Variants in SEPTIN9 observed in about 807,000 individuals in gnomAD.
SEPTIN9 encodes septin-9.
SEPTIN9 carries 13 observed loss-of-function variants against 56.6 expected under a neutral mutation model. That is an observed-to-expected ratio of 0.23 (90% CI 0.15 to 0.37). SEPTIN9 has a LOEUF of 0.37. Among genes scored for constraint, SEPTIN9 ranks in the 10% least tolerant of loss-of-function variants. The pLI, the probability that SEPTIN9 is intolerant of heterozygous loss-of-function variation, is 1.00. For synonymous variants in SEPTIN9, 332 were observed against 334.1 expected (o/e 0.99, Z 0.07); for missense variants, 650 against 823.1 (o/e 0.79, Z 2.57).
intron 2 of SEPTIN9, among the ~76,000 whole-genome samples, chr17:77,379,196 ACC>A (rs1211878856): frequency 6.6e-6 from 1 of 151,806 alleles, no homozygotes; most frequent in African/African-American, 2.4e-5. Flanking sequence ...CAGCCCGTGG[ACC>A]CATCCACTGA....
At chr17:77,423,435 AC>A (rs1161992966) in intron 3 of SEPTIN9, among the ~76,000 whole-genome samples, 1 of 151,980 alleles carries the variant, frequency 6.6e-6, no homozygotes, top group Non-Finnish European at 1.5e-5. Context: ...GGCATCTCTC[AC>A]CCCCACCCAG....
intron 8 of SEPTIN9, 64 bp downstream of exon 8, chr17:77,490,923 A>G: frequency 3.2e-6 from 4 of 1,266,540 alleles, no homozygotes; most frequent in African/African-American, 1.5e-5. Context: ...CAGGCCTGGC[A>G]GGGGCCACCC....
At chr17:77,283,232 G>A (rs2031120774) in intron 1 of SEPTIN9, among the ~76,000 whole-genome samples, 1 of 150,754 alleles carries the variant, frequency 6.6e-6, no homozygotes, top group African/African-American at 2.4e-5. Flanking sequence ...TGTGGAGTGA[G>A]CAGGAACCAA....
chr17:77,292,989 C>CATGCATTT (rs1423112212), intron 1 of SEPTIN9, among the ~76,000 whole-genome samples: 131 of 116,392 alleles, frequency 1.1e-3, no homozygotes, highest in African/African-American at 3.3e-3. Flanking sequence ...ACCGCTTGAG[C>CATGCATTT]ATTTATTTAT....
intron 4 of SEPTIN9, 162 bp downstream of exon 4, chr17:77,482,497 G>A (rs923104918): frequency 2.3e-5 from 18 of 775,900 alleles, no homozygotes; most frequent in East Asian, 8.0e-5. Context: ...GCATGCATGC[G>A]CCTGGGAGGA....
chr17:77,390,697 C>T lies in SEPTIN9; in HGVS notation c.77-11362C>T, dbSNP rs190508608. Among the ~76,000 whole-genome samples the T allele has an allele frequency of 9.2e-3, 1,407 of 152,140 alleles. 15 individuals are homozygous for T. The highest frequency in any genetic ancestry group is 0.031 in the African/African-American group (1,287 of 41,514). On this transcript the variant is annotated intron_variant, in intron 2 of 11. Transcript: ENST00000427177. ...CGATCTCCTGACCTCGTGATCTGCC[C>T]GCCTCTGCCTCCCAAAGTGCTGGGA...
At chr17:77,382,470 C>T (rs1030428256) in intron 2 of SEPTIN9, among the ~76,000 whole-genome samples, 1 of 152,200 alleles carries the variant, frequency 6.6e-6, no homozygotes, top group African/African-American at 2.4e-5. Context: ...GACAGGCTCC[C>T]GCAGCCAAGC....
chr17:77,357,068 A>G (rs2143832846), intron 2 of SEPTIN9, among the ~76,000 whole-genome samples: 1 of 152,090 alleles, frequency 6.6e-6, no homozygotes, highest in East Asian at 1.9e-4. Flanking sequence ...ACAGGCAGAC[A>G]AGGTGTCGGA....
intron 2 of SEPTIN9, among the ~76,000 whole-genome samples, chr17:77,360,078 A>G (rs1374085892): frequency 2.7e-5 from 4 of 147,510 alleles, no homozygotes; most frequent in African/African-American, 1.0e-4. Context: ...AATTGCTTGA[A>G]CCCAGGAGGC....
chr17:77,397,326 C>T (rs1224734493), intron 2 of SEPTIN9, among the ~76,000 whole-genome samples: 1 of 152,164 alleles, frequency 6.6e-6, no homozygotes, highest in Non-Finnish European at 1.5e-5. Flanking sequence ...TAGCCCTCCC[C>T]ACCGTGTCTC....
intron 4 of SEPTIN9, among the ~76,000 whole-genome samples, chr17:77,485,310 AGTG>A (rs1317254346): frequency 1.8e-5 from 2 of 110,064 alleles, no homozygotes; most frequent in Non-Finnish European, 3.7e-5. Flanking sequence ...TGATGTTAGT[AGTG>A]GTGGTGATAG....
intron 3 of SEPTIN9, among the ~76,000 whole-genome samples, chr17:77,464,292 A>C (rs1359021051): frequency 2.0e-5 from 3 of 152,084 alleles, no homozygotes; most frequent in Non-Finnish European, 2.9e-5. Flanking sequence ...TGACCAGGCT[A>C]GTCTCGAACC....
intron 3 of SEPTIN9, among the ~76,000 whole-genome samples, chr17:77,439,965 T>A (rs1393490891): frequency 6.6e-6 from 1 of 152,142 alleles, no homozygotes; most frequent in Non-Finnish European, 1.5e-5. Context: ...CTCTAAGATC[T>A]GAGCAGGCAG....
intron 2 of SEPTIN9, among the ~76,000 whole-genome samples, chr17:77,331,258 T>C (rs2033339116): frequency 6.6e-6 from 1 of 152,208 alleles, no homozygotes; most frequent in Admixed American, 6.5e-5. Flanking sequence ...AGCATGTTTA[T>C]AAAGTCAAGG....
intron 3 of SEPTIN9, among the ~76,000 whole-genome samples, chr17:77,438,250 C>T (rs2037424412): frequency 6.6e-6 from 1 of 152,216 alleles, no homozygotes; most frequent in African/African-American, 2.4e-5. Context: ...GAGGCTGGTT[C>T]CCCGCCGACC....
chr17:77,443,173 A>C (rs77864114), intron 3 of SEPTIN9, among the ~76,000 whole-genome samples: 3,429 of 152,142 alleles, frequency 0.023, 137 homozygotes, highest in African/African-American at 0.079. Flanking sequence ...TGTTGAAACC[A>C]GTGCAGGGCC....
chr17:77,409,555 C>T lies in SEPTIN9; in HGVS notation c.721+6852C>T, dbSNP rs971586794. Among the ~76,000 whole-genome samples the T allele has an allele frequency of 5.3e-5, 8 of 152,176 alleles. No homozygotes were observed. In the East Asian group the frequency reaches 5.8e-4, roughly 11 times the overall value. ...GGCGCTGGGGGCGGTTTCTCTGCTC[C>T]GCCCCCTGCAGCTCTGTGGCCCTGA... On this transcript the variant is annotated intron_variant, in intron 3 of 11. Coordinates refer to ENST00000427177, the MANE Select transcript of SEPTIN9 (RefSeq NM_001113491.2).
chr17:77,492,614 A>C lies in SEPTIN9; in HGVS notation c.1381-7A>C. The C allele has an allele frequency of 6.2e-7, 1 of 1,613,684 alleles. No homozygotes were observed. Among genetic ancestry groups the C allele is most frequent in the Non-Finnish European group, 8.5e-7 (1 of 1,179,746 alleles). ...GATGGGCCCATCTCTCTCCCTCCTT[A>C]TCCCAGATCACCGCAGACCTGCTGT... On this transcript the variant is annotated splice_region_variant and splice_polypyrimidine_tract_variant and intron_variant, in intron 8 of 11. Transcript: ENST00000427177. This position sits in a 1 kb window ranked among gnomAD's most constrained non-coding sequence, Gnocchi z 5.4.
chr17:77,389,294 C>T lies in SEPTIN9; in HGVS notation c.77-12765C>T, dbSNP rs1160399028. Among the ~76,000 whole-genome samples the T allele has an allele frequency of 6.6e-6, 1 of 151,908 alleles. No homozygotes were observed. The highest frequency in any genetic ancestry group is 2.4e-5 in the African/African-American group (1 of 41,328). On this transcript the variant is annotated intron_variant, in intron 2 of 11. Transcript: ENST00000427177. The surrounding 1 kb of genome is among the most constrained non-coding windows in gnomAD (Gnocchi z 4.3). ...GGCACGCGGTAGGCTGAGGAGGTGG[C>T]TGGCGACCCTGTGGTGGGGACGAGG...
Sources: gnomAD v4.1 joint callset for allele counts (sites outside exome capture counted in the v4.1 genomes callset) on GRCh38, gnomAD v4.1.1 for gene constraint, Gnocchi (gnomAD v3.1) non-coding constraint, MANE v1.5 for transcripts, NCBI Gene and HGNC (gene_info 2026-07-23, HGNC 2026-07-21) for gene names.